The following MPP3 variants were observed in gnomAD, a reference collection of about 807,000 sequenced individuals.
The protein encoded by MPP3 is MAGUK p55 scaffold protein 3.
MPP3 carries 48 observed loss-of-function variants against 80.7 expected under a neutral mutation model. That is an observed-to-expected ratio of 0.59 (90% confidence interval 0.47 to 0.76). The LOEUF (loss-of-function observed/expected upper bound fraction) is 0.76, where lower values mean the gene tolerates loss of function less well. Among genes scored for constraint, MPP3 ranks in the 30% least tolerant of loss-of-function variants. The probability of loss-of-function intolerance (pLI) is 0.00; values close to 1 mark genes in which losing one functional copy is unlikely to be tolerated. For missense variants in MPP3, 620 were observed against 763.0 expected, an observed-to-expected ratio of 0.81 and a Z score of 2.21; for synonymous variants, 311 against 297.6, an observed-to-expected ratio of 1.04 and a Z score of -0.46.
In MPP3 at chr17:43,801,238, C is replaced by G. The variant is rs538743807; in HGVS notation, c.*463G>C. ...AGCACTTCAAAAAAAAGGTTAAGAT[C>G]AACGTTTTAGTGCTTGAAGACAGGG... On this transcript the variant is annotated 3_prime_UTR_variant, in exon 20 of 20. Coordinates refer to ENST00000398389, the MANE Select transcript of MPP3 (RefSeq NM_001932.6). The G allele has an allele frequency of 1.3e-5, 2 of 154,594 alleles. No individual in the cohort carries two copies. The highest frequency in any genetic ancestry group is 4.0e-4 in the South Asian group (2 of 4,962). 9.6% of individuals were successfully genotyped at this position (154,594 alleles called of 1,614,324 possible).
intron 16 of MPP3, 137 bp downstream of exon 16, chr17:43,813,874 C>T (rs772739930): frequency 1.4e-6 from 1 of 734,016 alleles, no homozygotes. Flanking sequence ...CTTTGTCCCA[C>T]AATTTGCCAA....
At chr17:43,811,840 G>A (rs950044345) in intron 16 of MPP3, among the ~76,000 whole-genome samples, 3 of 152,066 alleles carry the variant, frequency 2.0e-5, no homozygotes, top group Non-Finnish European at 2.9e-5. Context: ...TGATCCACCC[G>A]CCTCAGCCTC....
chr17:43,828,637 C>T (rs1410240457), intron 7 of MPP3, among the ~76,000 whole-genome samples: 1 of 152,206 alleles, frequency 6.6e-6, no homozygotes, highest in Admixed American at 6.5e-5. Flanking sequence ...ATATGTTAAC[C>T]ACTTATTAGT....
chr17:43,825,991 A>C (rs2045679692), intron 8 of MPP3, 150 bp from the exon 9 acceptor site: 5 of 610,388 alleles, frequency 8.2e-6, no homozygotes, highest in Non-Finnish European at 1.5e-5. Flanking sequence ...GGGCGAACTA[A>C]GCCCTGCTAA....
At chr17:43,817,948 G>A in intron 12 of MPP3, 98 bp downstream of exon 12, 3 of 934,316 alleles carry the variant, frequency 3.2e-6, no homozygotes, top group Non-Finnish European at 4.8e-6. Flanking sequence ...GACCCCTGAT[G>A]CCCCCTCCAG....
intron 8 of MPP3, among the ~76,000 whole-genome samples, chr17:43,826,793 A>AC (rs1372377307): frequency 6.8e-6 from 1 of 146,044 alleles, no homozygotes; most frequent in Non-Finnish European, 1.5e-5. Context: ...TTTCTCAATC[A>AC]CCCCAAAGTA....
At chr17:43,810,329 A>G (rs1277238620) in intron 18 of MPP3, among the ~76,000 whole-genome samples, 1 of 152,114 alleles carries the variant, frequency 6.6e-6, no homozygotes, top group Non-Finnish European at 1.5e-5. Context: ...AGCACTTCCC[A>G]GGGCCGTGTC....
In MPP3 at chr17:43,821,027, G is replaced by A. The variant is rs751443737; in HGVS notation, c.716C>T (p.Pro239Leu). Residue 239 changes from proline to leucine, a missense_variant, in exon 11 of 20, where the codon CCT (proline) becomes CTT (leucine). Physicochemically the swap from Pro to Leu is moderately conservative, Grantham distance 98. Coordinates refer to ENST00000398389, the MANE Select transcript of MPP3 (RefSeq NM_001932.6). ...VFMRALFHYN[P>L]REDRAIPCQE... ...GCAAGGGATGGCCCGGTCCTCCCGA[G>A]GGTTGTAGTGGAAGAGGGCGCGCAT... The A allele has an allele frequency of 1.2e-6, 2 of 1,613,982 alleles. No individual in the cohort carries two copies. Among genetic ancestry groups the A allele is most frequent in the Non-Finnish European group, 1.7e-6 (2 of 1,179,918 alleles).
intron 2 of MPP3, among the ~76,000 whole-genome samples, chr17:43,832,436 C>A (rs2046010891): frequency 6.6e-6 from 1 of 152,150 alleles, no homozygotes; most frequent in Non-Finnish European, 1.5e-5. Context: ...GGCCTACAAG[C>A]CCCCTGTCCC....
intron 11 of MPP3, among the ~76,000 whole-genome samples, chr17:43,820,095 G>A (rs8067074): frequency 0.19 from 29,508 of 151,898 alleles, 3,028 homozygotes; most frequent in Non-Finnish European, 0.21. Context: ...ACAGGTGTGT[G>A]CAACCATGCC....
chr17:43,811,788 T>C (rs2044873519), intron 16 of MPP3, among the ~76,000 whole-genome samples: 1 of 152,042 alleles, frequency 6.6e-6, no homozygotes, highest in Non-Finnish European at 1.5e-5. Flanking sequence ...AGATGGGGTT[T>C]CTCCATGTTG....
chr17:43,810,431 G>C (rs1052949374), intron 18 of MPP3, among the ~76,000 whole-genome samples: 52 of 152,212 alleles, frequency 3.4e-4, no homozygotes, highest in African/African-American at 1.2e-3. Context: ...TGGTTGGGGA[G>C]GGGGAGGCCT....
intron 5 of MPP3, 33 bp from the exon 6 acceptor site, chr17:43,830,140 T>A: frequency 6.8e-7 from 1 of 1,468,324 alleles, no homozygotes; most frequent in Non-Finnish European, 9.1e-7. Context: ...CACTGATGGC[T>A]AGAGGTGCCC....
intron 7 of MPP3, among the ~76,000 whole-genome samples, chr17:43,828,239 C>T (rs1598366505): frequency 6.6e-6 from 1 of 152,232 alleles, no homozygotes; most frequent in East Asian, 1.9e-4. Flanking sequence ...CACCCTGCCT[C>T]TACCCAATCA....
chr17:43,810,661 T>C (rs2044813922), intron 18 of MPP3, 146 bp downstream of exon 18: 1 of 633,354 alleles, frequency 1.6e-6, no homozygotes, highest in Non-Finnish European at 2.8e-6. Flanking sequence ...TTTCATTTGA[T>C]TCTCAAAGGA....
intron 19 of MPP3, among the ~76,000 whole-genome samples, chr17:43,805,885 CTG>C (rs1289878396): frequency 2.0e-5 from 3 of 152,188 alleles, no homozygotes; most frequent in Admixed American, 6.5e-5. Context: ...TGCAACAACT[CTG>C]TGAATACATC....
intron 13 of MPP3, 100 bp downstream of exon 13, chr17:43,816,576 CA>C: frequency 2.7e-6 from 3 of 1,104,842 alleles, no homozygotes; most frequent in Non-Finnish European, 2.7e-6. Context: ...GTGGGAGGGG[CA>C]CAGCTGCCCA....
intron 19 of MPP3, among the ~76,000 whole-genome samples, chr17:43,806,608 G>A (rs1366628727): frequency 6.6e-6 from 1 of 152,028 alleles, no homozygotes; most frequent in East Asian, 1.9e-4. Context: ...CATACTGTAT[G>A]TTTCTTTTTT....
At position 43,801,656 on chromosome 17, in the gene MPP3, G is replaced by T. The variant is rs754439428; in HGVS notation, c.*45C>A. 1 of 1,582,870 alleles carries T rather than the reference G, an allele frequency of 6.3e-7. No homozygotes were observed. Among genetic ancestry groups the T allele is most frequent in the Non-Finnish European group, 8.7e-7 (1 of 1,152,898 alleles). ...TGGTAAAATGAGGGAGTCTGGACTA[G>T]ATGATCTTCAAGGTCCCGTCCAGCT... On this transcript the variant is annotated 3_prime_UTR_variant, in exon 20 of 20. Coordinates refer to ENST00000398389, the MANE Select transcript of MPP3 (RefSeq NM_001932.6).
Sources: allele counts gnomAD v4.1 joint callset (sites outside exome capture counted in the v4.1 genomes callset), GRCh38; gene constraint gnomAD v4.1.1; transcripts MANE v1.5; gene names NCBI Gene and HGNC (gene_info 2026-07-23, HGNC 2026-07-21).